Variants in DNAH9 observed in about 807,000 individuals in gnomAD.
DNAH9 encodes dynein axonemal heavy chain 9, also known as DNAH9 variant protein.
DNAH9 carries 345 observed loss-of-function variants against 471.6 expected under a neutral mutation model. That is an observed-to-expected ratio of 0.73 (90% confidence interval 0.67 to 0.80). The LOEUF is 0.80. DNAH9 is among the 30% of genes least tolerant of loss of function. DNAH9 has a pLI of 0.00. For missense variants in DNAH9, 5,407 were observed against 5,609.2 expected (o/e 0.96, Z 1.15); for synonymous variants, 2,093 against 2,123.6 (o/e 0.99, Z 0.40).
At position 11,960,684 on chromosome 17, in the gene DNAH9, G is replaced by A. The variant is rs551722129; in HGVS notation, c.12844-1183G>A. On this transcript the variant is annotated intron_variant, in intron 67 of 68. Transcript: ENST00000262442. The stretch of plus-strand genomic sequence containing the variant: ...TGAGGCAGAAGAATCGCTTGAACCC[G>A]GGAGGCGGAGGTTGCAGTGAGCAGA... Among the ~76,000 whole-genome samples, 21 of 151,808 alleles carry A rather than the reference G, an allele frequency of 1.4e-4. No homozygotes were observed. In the East Asian group the frequency reaches 3.3e-3, roughly 24 times the overall value.
chr17:11,781,503 C>T (rs1968664273), intron 39 of DNAH9, among the ~76,000 whole-genome samples: 1 of 152,178 alleles, frequency 6.6e-6, no homozygotes, highest in African/African-American at 2.4e-5. Context: ...TCCCCTGCAC[C>T]ATGGCCCCAC....
At chr17:11,784,932 G>A in intron 41 of DNAH9, among the ~76,000 whole-genome samples, 1 of 152,068 alleles carries the variant, frequency 6.6e-6, no homozygotes, top group East Asian at 1.9e-4. Flanking sequence ...GGATGAAAAA[G>A]AGTGTTCCCC....
chr17:11,636,835 A>T, intron 9 of DNAH9, 51 bp downstream of exon 9: 1 of 1,500,612 alleles, frequency 6.7e-7, no homozygotes, highest in Non-Finnish European at 9.3e-7. Context: ...ACTGGAAAGA[A>T]GCAACTCATT....
At chr17:11,877,612 C>A (rs891260701) in intron 53 of DNAH9, among the ~76,000 whole-genome samples, 3 of 151,926 alleles carry the variant, frequency 2.0e-5, no homozygotes, top group African/African-American at 7.3e-5. Context: ...GGCCACGTGT[C>A]CCAAGCATGC....
At chr17:11,624,231 G>A (rs1027870298) in intron 6 of DNAH9, among the ~76,000 whole-genome samples, 6 of 152,332 alleles carry the variant, frequency 3.9e-5, no homozygotes, top group East Asian at 3.9e-4. Context: ...AACTGGGGCC[G>A]GGTGCAGTGG....
chr17:11,856,658 A>T (rs1005079321), intron 50 of DNAH9, among the ~76,000 whole-genome samples: 32 of 152,058 alleles, frequency 2.1e-4, no homozygotes, highest in Non-Finnish European at 7.4e-5. Context: ...GTAAGCCAAG[A>T]TCAGGCCACT....
At position 11,744,229 on chromosome 17, in the gene DNAH9, G is replaced by A. The variant is rs914701191; in HGVS notation, c.6112-568G>A. The stretch of plus-strand genomic sequence containing the variant: ...AGAAGTCTGTCTGAGTTCAGACTCC[G>A]TGCTCTGTTCTGCCCACTACAGCTC... On this transcript the variant is annotated intron_variant, in intron 30 of 68. Transcript: ENST00000262442. Among the ~76,000 whole-genome samples, 3 of 152,126 alleles carry A rather than the reference G, an allele frequency of 2.0e-5. No individual in the cohort carries two copies. In the East Asian group the frequency reaches 5.8e-4, roughly 29 times the overall value.
intron 26 of DNAH9, among the ~76,000 whole-genome samples, chr17:11,717,019 A>G (rs1438199891): frequency 1.3e-5 from 2 of 152,236 alleles, no homozygotes; most frequent in Non-Finnish European, 2.9e-5. Context: ...GGCTCCATGA[A>G]TATCTAGCTG....
At position 11,606,541 on chromosome 17, in the gene DNAH9, C is replaced by T. The variant is rs377535129; in HGVS notation, c.418-1588C>T. On this transcript the variant is annotated intron_variant, in intron 1 of 68. Transcript: ENST00000262442. ...TCGGCTCACTGCAACCTCCGCCTCC[C>T]GGGTTCAAGCGATTCCCCTGCCTCA... Among the ~76,000 whole-genome samples, 7 of 143,822 alleles carry T rather than the reference C, an allele frequency of 4.9e-5. No individual in the cohort carries two copies. In the East Asian group the frequency reaches 1.0e-3, roughly 21 times the overall value. 94.4% of individuals were successfully genotyped at this position (143,822 alleles called of 152,430 possible).
intron 15 of DNAH9, among the ~76,000 whole-genome samples, chr17:11,667,681 C>T (rs563457953): frequency 8.5e-4 from 130 of 152,342 alleles, no homozygotes; most frequent in African/African-American, 2.8e-3. Flanking sequence ...CACCATTCTT[C>T]AGGGCCTTGT....
At chr17:11,928,122 T>C (rs201258899) in intron 62 of DNAH9, among the ~76,000 whole-genome samples, 5,635 of 133,572 alleles carry the variant, frequency 0.042, 134 homozygotes, top group African/African-American at 0.07. Flanking sequence ...TTTATTTATT[T>C]ATTCATTCAT....
chr17:11,625,112 C>T (rs1010798), intron 6 of DNAH9, among the ~76,000 whole-genome samples: 27,744 of 151,894 alleles, frequency 0.18, 3,431 homozygotes, highest in Non-Finnish European at 0.26. Context: ...TTCATTTTTG[C>T]GTCATAGAGT....
intron 6 of DNAH9, among the ~76,000 whole-genome samples, chr17:11,622,957 C>T (rs969917633): frequency 3.6e-5 from 5 of 138,622 alleles, no homozygotes; most frequent in South Asian, 2.3e-4. Context: ...CTTTTCTTTT[C>T]TTTTCTTTTT....
At chr17:11,772,032 T>C (rs1968225915) in intron 38 of DNAH9, among the ~76,000 whole-genome samples, 1 of 152,224 alleles carries the variant, frequency 6.6e-6, no homozygotes, top group South Asian at 2.1e-4. Context: ...CCAGAGAGTC[T>C]GACTTCAGAG....
chr17:11,847,911 C>A (rs2150964809), intron 49 of DNAH9, among the ~76,000 whole-genome samples: 1 of 148,188 alleles, frequency 6.7e-6, no homozygotes, highest in South Asian at 2.1e-4. Flanking sequence ...ATTTCTTCGG[C>A]CTCCACCTGC....
intron 38 of DNAH9, among the ~76,000 whole-genome samples, chr17:11,771,777 C>CACT (rs928284101): frequency 1.3e-5 from 2 of 152,202 alleles, no homozygotes; most frequent in African/African-American, 2.4e-5. Context: ...GTTACAACTA[C>CACT]ACTACTACTA....
rs186321725 is a variant in DNAH9 at position 11,814,454 on chromosome 17, C to G, written c.8707+4085C>G. Reference sequence around the variant, plus strand: ...ATCCTATGTTAGGATTTTCCTTTTGCTTTCCAAAAGGCTGAATTGTTTTAT... The same window carrying G: ...ATCCTATGTTAGGATTTTCCTTTTGGTTTCCAAAAGGCTGAATTGTTTTAT... On this transcript the variant is annotated intron_variant, in intron 45 of 68. Coordinates refer to ENST00000262442, the MANE Select transcript of DNAH9 (RefSeq NM_001372.4). Among the ~76,000 whole-genome samples the G allele has an allele frequency of 1.9e-3, 284 of 152,284 alleles. 1 individual carries two copies. The highest frequency in any genetic ancestry group is 6.6e-3 in the African/African-American group (273 of 41,558).
intron 6 of DNAH9, among the ~76,000 whole-genome samples, chr17:11,620,511 C>CAAA (rs11440277): frequency 5.9e-5 from 7 of 119,030 alleles, no homozygotes; most frequent in South Asian, 2.9e-4. Context: ...GACTCTGTCT[C>CAAA]AAAAAAAAAA....
At chr17:11,615,853 C>G (rs189123733) in intron 4 of DNAH9, among the ~76,000 whole-genome samples, 1 of 152,302 alleles carries the variant, frequency 6.6e-6, no homozygotes, top group Admixed American at 6.5e-5. Context: ...GAAGCAAGAG[C>G]ATGCGCTCAT....
Sources: allele counts gnomAD v4.1 joint callset (sites outside exome capture counted in the v4.1 genomes callset), GRCh38; gene constraint gnomAD v4.1.1; transcripts MANE v1.5; gene names NCBI Gene and HGNC (gene_info 2026-07-23, HGNC 2026-07-21).